Variants in SCAMP2 observed in about 807,000 individuals in gnomAD.
SCAMP2 encodes the protein secretory carrier membrane protein 2, also known as secretory carrier-associated membrane protein 2.
A neutral mutation model predicts 44.1 loss-of-function variants in SCAMP2; 25 were observed. The ratio of observed to expected loss-of-function variants is 0.57; its 90% CI spans 0.41 to 0.79. The LOEUF is 0.79. Ranked by LOEUF, SCAMP2 falls within the 30% of genes least tolerant of loss-of-function variation. The probability of loss-of-function intolerance (pLI) is 0.00; values close to 1 mark genes in which losing one functional copy is unlikely to be tolerated. For missense variants in SCAMP2, 355 were observed against 411.0 expected (o/e 0.86, Z 1.18); for synonymous variants, 156 against 166.0 (o/e 0.94, Z 0.46).
intron 1 of SCAMP2, among the ~76,000 whole-genome samples, chr15:74,856,589 T>G: frequency 6.6e-6 from 1 of 151,478 alleles, no homozygotes; most frequent in East Asian, 1.9e-4. Flanking sequence ...GTTCTTTTTT[T>G]TTTTTTTCCT....
intron 4 of SCAMP2, 151 bp downstream of exon 4, chr15:74,851,918 T>A (rs1596415366): frequency 2.0e-5 from 11 of 536,702 alleles, no homozygotes; most frequent in Non-Finnish European, 3.3e-5. Flanking sequence ...TGCAACTTAC[T>A]GCTCTTCCCA....
Position 74,871,628 on chromosome 15 carries a change from T to C in SCAMP2, c.57+1571A>G, listed in dbSNP as rs138812732. ...TTAGCCGGTCGTGGTGGTGCATGCC[T>C]GTAATCCTAGCTACTCAGGAGGCTG... On this transcript the variant is annotated intron_variant, in intron 1 of 8. Transcript: ENST00000268099. Among the ~76,000 whole-genome samples, 1,421 of 151,984 alleles carry C rather than the reference T, an allele frequency of 9.3e-3. 40 individuals are homozygous for C. The highest frequency in any genetic ancestry group is 0.055 in the Admixed American group (833 of 15,262).
At chr15:74,854,753 C>T (rs2141174497) in intron 1 of SCAMP2, 104 bp from the exon 2 acceptor site, 2 of 992,748 alleles carry the variant, frequency 2.0e-6, no homozygotes, top group Non-Finnish European at 3.1e-6. Flanking sequence ...GCTGATCACC[C>T]TCCCGGGACC....
Position 74,863,171 on chromosome 15 carries a change from CCA to C in SCAMP2, c.58-8524_58-8523del, listed in dbSNP as rs548107432. Among the ~76,000 whole-genome samples, 7 of 151,998 alleles carry C rather than the reference CCA, an allele frequency of 4.6e-5. No individual in the cohort carries two copies. The East Asian group carries it at 1.4e-3, about 29-fold the overall frequency. Reference sequence around the variant, plus strand: ...ACCAGCCTGGCCAGCATGATGAAACCCAGTCTCTACTAAAAATACAAAAATTA... The same window carrying C: ...ACCAGCCTGGCCAGCATGATGAAACCGTCTCTACTAAAAATACAAAAATTA... On this transcript the variant is annotated intron_variant, in intron 1 of 8. Transcript: ENST00000268099.
intron 2 of SCAMP2, among the ~76,000 whole-genome samples, 168 bp from the exon 3 acceptor site, chr15:74,854,287 A>G (rs554075283): frequency 6.6e-6 from 1 of 152,354 alleles, no homozygotes; most frequent in African/African-American, 2.4e-5. Flanking sequence ...CCTCAGGTTC[A>G]GGCCATCTGA....
chr15:74,861,046 G>A (rs2064500014), intron 1 of SCAMP2, among the ~76,000 whole-genome samples: 1 of 150,886 alleles, frequency 6.6e-6, no homozygotes, highest in South Asian at 2.1e-4. Context: ...ATGGTGGCGG[G>A]TGCCTGTAAT....
intron 1 of SCAMP2, among the ~76,000 whole-genome samples, chr15:74,859,089 G>A (rs1040298638): frequency 2.0e-5 from 3 of 152,052 alleles, no homozygotes; most frequent in Non-Finnish European, 4.4e-5. Flanking sequence ...ATTCAGGCGT[G>A]AGCCACCATG....
rs1229694657 is a variant in SCAMP2 at position 74,854,652 on chromosome 15, GAGA to G, written c.58-6_58-4del. ...GTCAGCTGGGTCACAGAGGGATCCTGAGAAGGTGAAAAAAAGCCCTTAGACACA... is the reference window on the plus strand; with the variant it reads ...GTCAGCTGGGTCACAGAGGGATCCTGAGGTGAAAAAAAGCCCTTAGACACA... On this transcript the variant is annotated splice_polypyrimidine_tract_variant and splice_region_variant and intron_variant, in intron 1 of 8. Transcript: ENST00000268099. The G allele has an allele frequency of 5.6e-6, 9 of 1,607,156 alleles. No individual in the cohort carries two copies. The Middle Eastern group carries it at 4.9e-4, about 88-fold the overall frequency.
In SCAMP2 at chr15:74,852,108, T is replaced by C; in HGVS notation, c.304A>G (p.Lys102Glu). 6.3e-7 allele frequency: 1 copy of C among 1,593,506 alleles called. No homozygotes were observed. Among genetic ancestry groups the C allele is most frequent in the Admixed American group, 1.7e-5 (1 of 57,272 alleles). The change falls in exon 4 of 9, where the codon AAG (lysine) becomes GAG (glutamate). Residue 102 changes from lysine to glutamate, a missense_variant. Coordinates refer to ENST00000268099, the MANE Select transcript of SCAMP2 (RefSeq NM_005697.5). ...ACAGTGTTCTGCAGCTCCCGCTCCT[T>C]GCGTTCCAGCTCGGCAGCTTTCCTG... ...LDRKAAELER[K>E]ERELQNTVAN...
intron 3 of SCAMP2, chr15:74,853,698 G>A (rs556746138): frequency 6.7e-5 from 30 of 448,330 alleles, no homozygotes; most frequent in African/African-American, 1.8e-4. Context: ...CCCCAAGGAA[G>A]AGAGAACAAG....
intron 1 of SCAMP2, among the ~76,000 whole-genome samples, chr15:74,872,360 C>A (rs1001367466): frequency 6.7e-6 from 1 of 150,194 alleles, no homozygotes; most frequent in African/African-American, 2.5e-5. Flanking sequence ...TTGCAGTGAG[C>A]GGAAATCGTG....
At chr15:74,849,955 G>C (rs886248834) in intron 6 of SCAMP2, among the ~76,000 whole-genome samples, 2 of 152,188 alleles carry the variant, frequency 1.3e-5, no homozygotes, top group African/African-American at 4.8e-5. Flanking sequence ...GGATGGTTCA[G>C]CCACTACCCT....
intron 1 of SCAMP2, among the ~76,000 whole-genome samples, chr15:74,869,636 A>G (rs1371914659): frequency 6.6e-6 from 1 of 152,174 alleles, no homozygotes; most frequent in Non-Finnish European, 1.5e-5. Flanking sequence ...TACCATCCTC[A>G]TTGAGGTCTT....
chr15:74,872,412 CAAAA>C (rs532189299), intron 1 of SCAMP2, among the ~76,000 whole-genome samples: 1 of 98,090 alleles, frequency 1.0e-5, no homozygotes, highest in African/African-American at 3.9e-5. Context: ...GACTCCGTCT[CAAAA>C]AAAAAAAAAA....
intron 1 of SCAMP2, among the ~76,000 whole-genome samples, chr15:74,858,384 T>C (rs2064480524): frequency 6.6e-6 from 1 of 152,184 alleles, no homozygotes. Context: ...GTACTAGTTA[T>C]ACTCCATACT....
chr15:74,850,340 G>C (rs1166104638), intron 6 of SCAMP2, among the ~76,000 whole-genome samples, 174 bp downstream of exon 6: 1 of 152,158 alleles, frequency 6.6e-6, no homozygotes, highest in Non-Finnish European at 1.5e-5. Flanking sequence ...CTGAGGAACG[G>C]GGCCCCCAAT....
chr15:74,848,453 A>G (rs948156819), intron 7 of SCAMP2, 147 bp downstream of exon 7: 2 of 577,220 alleles, frequency 3.5e-6, no homozygotes, highest in African/African-American at 3.8e-5. Context: ...AGAAGGCCCA[A>G]AGCAGATCCG....
intron 7 of SCAMP2, among the ~76,000 whole-genome samples, chr15:74,847,199 C>A (rs902629284): frequency 7.0e-6 from 1 of 143,750 alleles, no homozygotes; most frequent in Non-Finnish European, 1.5e-5. Flanking sequence ...TCAAGTGATT[C>A]TTCTGCCTCA....
chr15:74,854,179 G>A (rs1023819475), intron 2 of SCAMP2, 60 bp from the exon 3 acceptor site: 15 of 1,455,904 alleles, frequency 1.0e-5, no homozygotes, highest in Non-Finnish European at 1.4e-5. Context: ...GTGACGAGGG[G>A]GCAAACCCAC....
Sources: allele counts gnomAD v4.1 joint callset (sites outside exome capture counted in the v4.1 genomes callset), GRCh38; gene constraint gnomAD v4.1.1; transcripts MANE v1.5; gene names NCBI Gene and HGNC (gene_info 2026-07-23, HGNC 2026-07-21).